Variants in CDH4 observed in about 807,000 individuals in gnomAD.
CDH4 encodes the protein cadherin-4.
In CDH4, 33 loss-of-function variants were observed where a neutral mutation model predicts 86.0. The observed-to-expected ratio is 0.38, with a 90% confidence interval of 0.29 to 0.51. The LOEUF is 0.51. Among genes scored for constraint, CDH4 ranks in the 20% least tolerant of loss-of-function variants. The pLI, the probability that CDH4 is intolerant of heterozygous loss-of-function variation, is 0.86. For missense variants in CDH4, 1,114 were observed against 1,307.4 expected, an observed-to-expected ratio of 0.85 and a Z score of 2.28; for synonymous variants, 555 against 549.4, an observed-to-expected ratio of 1.01 and a Z score of -0.14.
chr20:61,895,106 C>G, intron 8 of CDH4, 59 bp downstream of exon 8: 1 of 1,575,342 alleles, frequency 6.3e-7, no homozygotes, highest in African/African-American at 1.3e-5. Context: ...AATGCACTGG[C>G]GTGCGGCACA....
chr20:61,287,888 A>G (rs1051379953), intron 2 of CDH4, among the ~76,000 whole-genome samples: 2 of 152,170 alleles, frequency 1.3e-5, no homozygotes, highest in Non-Finnish European at 2.9e-5. Context: ...GGACAAGGCC[A>G]GTGTCCGGGT....
chr20:61,304,621 A>G (rs2084405630), intron 2 of CDH4, among the ~76,000 whole-genome samples: 1 of 152,152 alleles, frequency 6.6e-6, no homozygotes, highest in African/African-American at 2.4e-5. Context: ...AGGCCTAGAG[A>G]AAAGGACAGC....
At chr20:61,685,398 G>C (rs1192267665) in intron 2 of CDH4, among the ~76,000 whole-genome samples, 1 of 152,204 alleles carries the variant, frequency 6.6e-6, no homozygotes, top group African/African-American at 2.4e-5. Flanking sequence ...CATGACAGGG[G>C]TTGAGCAAGT....
chr20:61,391,904 AT>A (rs1425332435), intron 2 of CDH4, among the ~76,000 whole-genome samples: 2 of 151,584 alleles, frequency 1.3e-5, no homozygotes. Flanking sequence ...GGGCTCTGGG[AT>A]TTTTTTCTGC....
chr20:61,579,229 C>T (rs6142658), intron 2 of CDH4, among the ~76,000 whole-genome samples: 4 of 151,866 alleles, frequency 2.6e-5, no homozygotes, highest in Non-Finnish European at 5.9e-5. Context: ...AGGGGAGACT[C>T]TACTAGCAGC....
chr20:61,424,948 A>T (rs1442957358), intron 2 of CDH4, among the ~76,000 whole-genome samples: 1 of 152,228 alleles, frequency 6.6e-6, no homozygotes, highest in Non-Finnish European at 1.5e-5. Flanking sequence ...AAATTTAAAA[A>T]ACTGGACCCA....
At chr20:61,288,011 A>G (rs992213022) in intron 2 of CDH4, among the ~76,000 whole-genome samples, 1 of 152,230 alleles carries the variant, frequency 6.6e-6, no homozygotes, top group African/African-American at 2.4e-5. Flanking sequence ...TGAGTTCCAC[A>G]GCACGAAAGG....
intron 2 of CDH4, among the ~76,000 whole-genome samples, chr20:61,714,551 G>A (rs11907777): frequency 5.9e-5 from 9 of 151,892 alleles, no homozygotes; most frequent in East Asian, 1.9e-4. Context: ...TTAATCTCTC[G>A]CTACCCTCCC....
chr20:61,304,775 T>TTG (rs58835182), intron 2 of CDH4, among the ~76,000 whole-genome samples: 11 of 151,324 alleles, frequency 7.3e-5, no homozygotes, highest in East Asian at 3.9e-4. Context: ...GTGTGTGGGG[T>TTG]TGTGTGTGTG....
At chr20:61,934,725 T>TCCCCA (rs372679651) in intron 15 of CDH4, among the ~76,000 whole-genome samples, 1 of 77,804 alleles carries the variant, frequency 1.3e-5, no homozygotes, top group Non-Finnish European at 2.7e-5. Flanking sequence ...TTGCCCCCCC[T>TCCCCA]CCCCACCCCA....
At chr20:61,566,541 C>T (rs1195091385) in intron 2 of CDH4, among the ~76,000 whole-genome samples, 4 of 152,108 alleles carry the variant, frequency 2.6e-5, no homozygotes, top group African/African-American at 9.7e-5. Context: ...TTGACAGGCC[C>T]CGCACATGGA....
At chr20:61,900,898 C>T (rs115590937) in intron 8 of CDH4, among the ~76,000 whole-genome samples, 1,664 of 152,316 alleles carry the variant, frequency 0.011, 34 homozygotes, top group African/African-American at 0.038. Flanking sequence ...CCCTTGGCAG[C>T]GTACCTGACT....
At position 61,756,379 on chromosome 20, in the gene CDH4, G is replaced by A. The variant is rs373658911; in HGVS notation, c.396+12590G>A. 2.5e-4 allele frequency among the ~76,000 whole-genome samples: 38 copies of A among 152,282 alleles called. No individual in the cohort carries two copies. The East Asian group carries it at 4.4e-3, about 18-fold the overall frequency. On this transcript the variant is annotated intron_variant, in intron 3 of 15. Coordinates refer to ENST00000614565, the MANE Select transcript of CDH4 (RefSeq NM_001794.5). ...ACAGGCAGCTGTTAGCAAACGTCAG[G>A]TGTGTCACTGTAGAGCACGTGCAAA...
intron 9 of CDH4, among the ~76,000 whole-genome samples, chr20:61,917,183 A>T (rs912431413): frequency 6.6e-6 from 1 of 152,062 alleles, no homozygotes; most frequent in African/African-American, 2.4e-5. Flanking sequence ...CCAGCCGGGG[A>T]TGAGGAATGC....
chr20:61,522,536 C>T (rs2085877654), intron 2 of CDH4, among the ~76,000 whole-genome samples: 1 of 152,234 alleles, frequency 6.6e-6, no homozygotes, highest in African/African-American at 2.4e-5. Flanking sequence ...CATAAATCTG[C>T]CACGTACACA....
intron 5 of CDH4, 119 bp downstream of exon 5, chr20:61,844,942 A>G (rs1982368858): frequency 2.8e-6 from 3 of 1,054,444 alleles, no homozygotes; most frequent in South Asian, 3.6e-5. Context: ...CAGCACTCCA[A>G]CTTTGGCCTG....
chr20:61,799,779 C>A (rs543131422), intron 4 of CDH4, among the ~76,000 whole-genome samples: 1 of 152,292 alleles, frequency 6.6e-6, no homozygotes, highest in South Asian at 2.1e-4. Flanking sequence ...CCGGTCACAG[C>A]GGTAACAGAT....
intron 4 of CDH4, among the ~76,000 whole-genome samples, chr20:61,805,992 G>A (rs1004207386): frequency 2.6e-5 from 4 of 152,238 alleles, no homozygotes; most frequent in African/African-American, 9.6e-5. Flanking sequence ...GGAGGTGGGT[G>A]CTTGGGGCAA....
At chr20:61,906,529 C>A (rs890537284) in intron 8 of CDH4, among the ~76,000 whole-genome samples, 2 of 152,232 alleles carry the variant, frequency 1.3e-5, no homozygotes, top group African/African-American at 4.8e-5. Flanking sequence ...GGGAGGCCAG[C>A]AGGTTTTCAC....
Sources: allele counts gnomAD v4.1 joint callset (sites outside exome capture counted in the v4.1 genomes callset), GRCh38; gene constraint gnomAD v4.1.1; transcripts MANE v1.5; gene names NCBI Gene and HGNC (gene_info 2026-07-23, HGNC 2026-07-21).